The following IL6R variants were observed in gnomAD, a reference collection of about 807,000 sequenced individuals.
IL6R encodes the protein interleukin-6 receptor subunit alpha.
A neutral mutation model predicts 48.3 loss-of-function variants in IL6R; 38 were observed. That is an observed-to-expected ratio of 0.79 (90% CI 0.61 to 1.03). IL6R has a LOEUF of 1.03. IL6R is among the 50% of genes least tolerant of loss of function. The probability of loss-of-function intolerance (pLI) is 0.00; values close to 1 mark genes in which losing one functional copy is unlikely to be tolerated. For synonymous variants in IL6R, 264 were observed against 256.2 expected (o/e 1.03, Z -0.29); for missense variants, 534 against 618.3 (o/e 0.86, Z 1.45).
At position 154,405,565 on chromosome 1, in the gene IL6R, G is replaced by T; in HGVS notation, c.-65G>T. 7.0e-6 allele frequency: 2 copies of T among 287,252 alleles called. No individual in the cohort carries two copies. Among genetic ancestry groups the T allele is most frequent in the African/African-American group, 8.7e-5 (1 of 11,470 alleles). 17.8% of individuals were successfully genotyped at this position (287,252 alleles called of 1,614,324 possible). A position where few individuals can be genotyped will look rare whatever the true frequency, so the allele number is the denominator to read the frequency against. ...GCCCCGCCCCGCCCCTGCCACCCCT[G>T]CCGCCCGGTTCCCATTAGCCTGTCC... is the stretch of plus-strand genomic sequence containing the variant. On this transcript the variant is annotated 5_prime_UTR_variant, in exon 1 of 10. Coordinates refer to ENST00000368485, the MANE Select transcript of IL6R (RefSeq NM_000565.4). The surrounding 1 kb of genome is among the most constrained non-coding windows in gnomAD (Gnocchi z 5.2).
intron 1 of IL6R, among the ~76,000 whole-genome samples, chr1:154,411,235 T>C (rs1008502550): frequency 6.6e-6 from 1 of 152,018 alleles, no homozygotes; most frequent in African/African-American, 2.4e-5. Flanking sequence ...ATTTTTGTAT[T>C]TTTAGTAGAG....
intron 1 of IL6R, among the ~76,000 whole-genome samples, chr1:154,410,697 C>A (rs369500379): frequency 4.8e-4 from 73 of 152,334 alleles, no homozygotes; most frequent in Non-Finnish European, 8.2e-4. Flanking sequence ...CAGCCTCCCC[C>A]ACTCCTGCTC....
intron 9 of IL6R, among the ~76,000 whole-genome samples, chr1:154,464,589 A>C (rs1467308208): frequency 3.9e-5 from 6 of 152,206 alleles, no homozygotes; most frequent in Admixed American, 3.9e-4. Context: ...AAATTGGACC[A>C]ACAATACACA....
chr1:154,456,492 C>T (rs1690899315), intron 9 of IL6R, among the ~76,000 whole-genome samples: 1 of 152,188 alleles, frequency 6.6e-6, no homozygotes, highest in South Asian at 2.1e-4. Context: ...CAGGCGTGAG[C>T]CACTGCACCC....
chr1:154,453,470 A>G (rs1405561282), intron 8 of IL6R, among the ~76,000 whole-genome samples: 4 of 152,226 alleles, frequency 2.6e-5, no homozygotes, highest in Admixed American at 1.3e-4. Context: ...TGCTGGGTCC[A>G]TACAACTGTG....
chr1:154,406,418 GGA>G (rs1687723791), intron 1 of IL6R: 1 of 152,286 alleles, frequency 6.6e-6, no homozygotes, highest in Non-Finnish European at 1.5e-5. Flanking sequence ...GACCCGTGAG[GGA>G]GAGGGCAGAG....
Position 154,465,259 on chromosome 1 carries a change from C to T in IL6R, c.1286C>T (p.Ser429Phe). The T allele has an allele frequency of 6.2e-7, 1 of 1,614,162 alleles. No individual in the cohort carries two copies. Among genetic ancestry groups the T allele is most frequent in the Non-Finnish European group, 8.5e-7 (1 of 1,180,028 alleles). ...ACCCCAGTGCTTGTTCCTCTCATCTCCCCACCGGTGTCCCCCAGCAGCCTG... is the reference window on the plus strand; with the variant it reads ...ACCCCAGTGCTTGTTCCTCTCATCTTCCCACCGGTGTCCCCCAGCAGCCTG... ...RPTPVLVPLISPPVSPSSLGS... is the reference protein window; with the variant it reads ...RPTPVLVPLIFPPVSPSSLGS... Residue 429 changes from serine (S) to phenylalanine (F), a missense_variant, in exon 10 of 10, where the codon TCC becomes TTC. By Grantham distance (155) the Ser-to-Phe change is radical. Transcript: ENST00000368485.
intron 6 of IL6R, among the ~76,000 whole-genome samples, chr1:154,438,185 A>G (rs1193575787): frequency 6.6e-6 from 1 of 151,386 alleles, no homozygotes; most frequent in Non-Finnish European, 1.5e-5. Flanking sequence ...TGCCCTCCTT[A>G]ACTCTAAACA....
intron 1 of IL6R, among the ~76,000 whole-genome samples, chr1:154,424,341 T>A (rs904997643): frequency 1.3e-5 from 2 of 152,236 alleles, no homozygotes; most frequent in African/African-American, 4.8e-5. Flanking sequence ...AGTTGAGGAC[T>A]GTGCCATGTG....
chr1:154,423,275 A>ATATATATATATT, intron 1 of IL6R, among the ~76,000 whole-genome samples: 1 of 139,794 alleles, frequency 7.2e-6, no homozygotes, highest in Non-Finnish European at 1.6e-5. Flanking sequence ...ATATATATAT[A>ATATATATATATT]TATATATATG....
rs1691550704 is a variant in IL6R, at chr1:154,466,297, A to G, written c.*917A>G. On this transcript the variant is annotated 3_prime_UTR_variant, in exon 10 of 10. Transcript: ENST00000368485. The stretch of plus-strand genomic sequence containing the variant: ...GAGGGCTTCTGCCATTTCTGAGATC[A>G]AAACGGTTTTACTGCAGCTTTGTTT... The G allele has an allele frequency of 6.6e-6, 1 of 152,248 alleles. No homozygotes were observed. The highest frequency in any genetic ancestry group is 6.5e-5 in the Admixed American group (1 of 15,278). 9.4% of individuals were successfully genotyped at this position (152,248 alleles called of 1,614,324 possible). A position where few individuals can be genotyped will look rare whatever the true frequency, so the allele number is the denominator to read the frequency against.
intron 6 of IL6R, among the ~76,000 whole-genome samples, chr1:154,436,417 G>C (rs987957131): frequency 6.6e-6 from 1 of 152,244 alleles, no homozygotes; most frequent in South Asian, 2.1e-4. Context: ...GGCGGAGGTT[G>C]CAGTGAGCCG....
intron 6 of IL6R, among the ~76,000 whole-genome samples, chr1:154,445,435 A>G (rs2149257327): frequency 6.6e-6 from 1 of 152,192 alleles, no homozygotes; most frequent in East Asian, 1.9e-4. Flanking sequence ...TGTCTTGAGT[A>G]TAGTATGGGG....
chr1:154,428,081 T>C (rs1689074791), intron 1 of IL6R, among the ~76,000 whole-genome samples: 1 of 152,192 alleles, frequency 6.6e-6, no homozygotes, highest in Non-Finnish European at 1.5e-5. Flanking sequence ...TCTGTTTCCT[T>C]AGCTGGTTGG....
chr1:154,447,020 A>G (rs1210466845), intron 6 of IL6R, among the ~76,000 whole-genome samples: 3 of 152,216 alleles, frequency 2.0e-5, no homozygotes, highest in Non-Finnish European at 4.4e-5. Context: ...ACACGCCTGT[A>G]GTCCCAGATA....
intron 1 of IL6R, among the ~76,000 whole-genome samples, chr1:154,416,308 A>ATTT (rs1211685761): frequency 4.3e-5 from 6 of 138,658 alleles, no homozygotes; most frequent in Admixed American, 7.3e-5. Flanking sequence ...TTAAAAAAAA[A>ATTT]TTTTTTTTTT....
At chr1:154,433,191 T>C (rs1689404635) in intron 3 of IL6R, among the ~76,000 whole-genome samples, 1 of 152,132 alleles carries the variant, frequency 6.6e-6, no homozygotes, top group Non-Finnish European at 1.5e-5. Flanking sequence ...CCTGGAAAGG[T>C]TGGGTTTGTC....
intron 1 of IL6R, among the ~76,000 whole-genome samples, chr1:154,415,970 A>T (rs1688321863): frequency 1.3e-5 from 2 of 152,228 alleles, no homozygotes; most frequent in African/African-American, 2.4e-5. Context: ...CATCTCAAAA[A>T]AAAATAAAAT....
chr1:154,408,574 G>A (rs1231992509), intron 1 of IL6R, among the ~76,000 whole-genome samples: 3 of 152,108 alleles, frequency 2.0e-5, no homozygotes, highest in African/African-American at 4.8e-5. Flanking sequence ...AGATCCCAAG[G>A]CAGCAGGCAC....
Sources: allele counts gnomAD v4.1 joint callset (sites outside exome capture counted in the v4.1 genomes callset), GRCh38; gene constraint gnomAD v4.1.1; non-coding constraint Gnocchi (gnomAD v3.1); transcripts MANE v1.5; gene names NCBI Gene and HGNC (gene_info 2026-07-23, HGNC 2026-07-21).